Variants in FRMD5 observed in about 807,000 individuals in gnomAD.
The protein encoded by FRMD5 is FERM domain-containing protein 5.
FRMD5 carries 20 observed loss-of-function variants against 69.0 expected under a neutral mutation model. The observed-to-expected ratio is 0.29, with a 90% CI of 0.20 to 0.42. The LOEUF is 0.42. Ranked by LOEUF, FRMD5 falls within the 10% of genes least tolerant of loss-of-function variation. The pLI, the probability that FRMD5 is intolerant of heterozygous loss-of-function variation, is 1.00. For missense variants in FRMD5, 595 were observed against 708.6 expected (o/e 0.84, Z 1.82); for synonymous variants, 271 against 260.1 (o/e 1.04, Z -0.40).
upstream of FRMD5, among the ~76,000 whole-genome samples, chr15:44,197,613 C>T (rs1340281132): frequency 1.5e-5 from 2 of 135,454 alleles, no homozygotes; most frequent in East Asian, 2.3e-4. Flanking sequence ...ACCTGGGAGG[C>T]GAAGGTTGCA....
chr15:43,873,095 A>G lies in FRMD5; in HGVS notation c.*790T>C. 3 of 1,368,630 alleles carry G rather than the reference A, an allele frequency of 2.2e-6. No homozygotes were observed. Among genetic ancestry groups the G allele is most frequent in the Non-Finnish European group, 3.0e-6 (3 of 996,374 alleles). 84.8% of individuals were successfully genotyped at this position (1,368,630 alleles called of 1,614,324 possible). On this transcript the variant is annotated 3_prime_UTR_variant, in exon 14 of 14. Transcript: ENST00000417257. ...TCTTGAGGTTCTTCGGAAAAAAAAA[A>G]TCACGTTAAGTCTAGTTTCATTATA...
At chr15:44,003,474 A>G (rs1566892371) in intron 1 of FRMD5, among the ~76,000 whole-genome samples, 1 of 152,224 alleles carries the variant, frequency 6.6e-6, no homozygotes. Context: ...ACTCAAGAGT[A>G]AAACCCAGAG....
At chr15:44,121,016 A>G (rs2076941914) in intron 1 of FRMD5, among the ~76,000 whole-genome samples, 1 of 152,180 alleles carries the variant, frequency 6.6e-6, no homozygotes, top group Non-Finnish European at 1.5e-5. Flanking sequence ...TTGAGGCCAC[A>G]GGTAAAATCA....
chr15:43,948,079 T>C (rs1429921740), intron 1 of FRMD5, among the ~76,000 whole-genome samples: 1 of 152,186 alleles, frequency 6.6e-6, no homozygotes, highest in East Asian at 1.9e-4. Flanking sequence ...ATGAGGTAGG[T>C]ACCACAATCC....
At chr15:43,874,991 A>G (rs2088290045) in intron 13 of FRMD5, among the ~76,000 whole-genome samples, 1 of 152,120 alleles carries the variant, frequency 6.6e-6, no homozygotes, top group Non-Finnish European at 1.5e-5. Flanking sequence ...TGAGGTAAGG[A>G]GTTCGAGACC....
At chr15:44,107,898 C>A (rs184290489) in intron 1 of FRMD5, among the ~76,000 whole-genome samples, 2 of 152,238 alleles carry the variant, frequency 1.3e-5, no homozygotes, top group Non-Finnish European at 2.9e-5. Flanking sequence ...AGAAATATGA[C>A]AATTAATTCT....
rs182687640 is a variant in FRMD5, at chr15:43,981,314, A to G, written c.103-57005T>C. Among the ~76,000 whole-genome samples the G allele has an allele frequency of 3.8e-3, 529 of 138,320 alleles. 5 individuals are homozygous for G. Among genetic ancestry groups the G allele is most frequent in the African/African-American group, 0.017 (495 of 29,718 alleles). The allele number at this position is 138,320 out of a possible 152,430, so 90.7% of individuals were successfully genotyped here. ...CCTGTATTCTTACAATAAATTAGAG[A>G]AAAAAAAATTATTAAGAAAACCACA... On this transcript the variant is annotated intron_variant, in intron 1 of 13. Transcript: ENST00000417257.
intron 1 of FRMD5, among the ~76,000 whole-genome samples, chr15:43,934,936 G>A (rs189514874): frequency 1.0e-3 from 158 of 152,312 alleles, no homozygotes; most frequent in African/African-American, 3.6e-3. Flanking sequence ...GTATAAGATT[G>A]AGAACTCTTC....
intron 6 of FRMD5, among the ~76,000 whole-genome samples, chr15:43,903,955 T>TA (rs2089108669): frequency 6.6e-6 from 1 of 152,218 alleles, no homozygotes; most frequent in Non-Finnish European, 1.5e-5. Flanking sequence ...TTCTGATTTT[T>TA]ACCACAAGGG....
At position 43,990,026 on chromosome 15, in the gene FRMD5, A is replaced by G. The variant is rs1889594960; in HGVS notation, c.103-65717T>C. The G allele has an allele frequency of 4.8e-6, 4 of 833,004 alleles. No individual in the cohort carries two copies. The Admixed American group carries it at 7.0e-5, about 15-fold the overall frequency. The allele number at this position is 833,004 out of a possible 1,614,324, so 51.6% of individuals were successfully genotyped here. A position where few individuals can be genotyped will look rare whatever the true frequency, so the allele number is the denominator to read the frequency against. On this transcript the variant is annotated intron_variant, in intron 1 of 13. Coordinates refer to ENST00000417257, the MANE Select transcript of FRMD5 (RefSeq NM_032892.5). ...TTGCTCTGGACCTCGTTGCCCACAT[A>G]GGAGTCCTTCTGACCCATGCCCACC...
chr15:44,195,147 ACCTGCACCATCAC>A lies in FRMD5; in HGVS notation c.-106_-94del. 2 of 920,686 alleles carry A rather than the reference ACCTGCACCATCAC, an allele frequency of 2.2e-6. No homozygotes were observed. The highest frequency in any genetic ancestry group is 3.1e-6 in the Non-Finnish European group (2 of 653,308). The allele number at this position is 920,686 out of a possible 1,614,324, so 57.0% of individuals were successfully genotyped here. ...CGGCAGCTCCGCACCGACCCCAGGCACCTGCACCATCACCCCGGCCCCGTCGCTGCCGTTGCCT... is the reference window on the plus strand; with the variant it reads ...CGGCAGCTCCGCACCGACCCCAGGCACCCGGCCCCGTCGCTGCCGTTGCCT... On this transcript the variant is annotated 5_prime_UTR_variant, in exon 1 of 14. It removes an upstream start codon present in the reference 5' UTR. Transcript: ENST00000417257.
chr15:43,955,772 C>G (rs1344469718), intron 1 of FRMD5, among the ~76,000 whole-genome samples: 1 of 151,904 alleles, frequency 6.6e-6, no homozygotes, highest in Non-Finnish European at 1.5e-5. Context: ...TGAACTGTCT[C>G]TATTCTGGTT....
At chr15:44,138,135 C>G (rs1293407287) in intron 1 of FRMD5, among the ~76,000 whole-genome samples, 3 of 152,010 alleles carry the variant, frequency 2.0e-5, no homozygotes, top group Non-Finnish European at 2.9e-5. Flanking sequence ...AGCTTTCAAG[C>G]CAAAATTCCA....
At chr15:44,053,249 G>A (rs1892740146) in intron 1 of FRMD5, among the ~76,000 whole-genome samples, 1 of 152,162 alleles carries the variant, frequency 6.6e-6, no homozygotes, top group African/African-American at 2.4e-5. Context: ...AGATGAACAT[G>A]GAAGGAAAGC....
intron 13 of FRMD5, among the ~76,000 whole-genome samples, chr15:43,875,069 G>A (rs922452360): frequency 6.6e-6 from 1 of 152,032 alleles, no homozygotes; most frequent in Non-Finnish European, 1.5e-5. Context: ...GTGGTGGCGG[G>A]CATCTGTAAT....
intron 1 of FRMD5, among the ~76,000 whole-genome samples, chr15:44,047,910 T>C (rs1271421052): frequency 6.6e-6 from 1 of 152,244 alleles, no homozygotes; most frequent in Non-Finnish European, 1.5e-5. Context: ...TGCAAAATCA[T>C]ATTCTATTAC....
intron 1 of FRMD5, among the ~76,000 whole-genome samples, chr15:44,147,971 T>C (rs1195753136): frequency 6.6e-6 from 1 of 152,206 alleles, no homozygotes; most frequent in Non-Finnish European, 1.5e-5. Context: ...TGCTGATTGC[T>C]GCTTCTGACC....
intron 1 of FRMD5, among the ~76,000 whole-genome samples, chr15:43,962,822 A>G (rs767361886): frequency 6.6e-6 from 1 of 152,260 alleles, no homozygotes; most frequent in Non-Finnish European, 1.5e-5. Flanking sequence ...TCCCTATTTA[A>G]TAGATGGTGG....
chr15:43,903,626 G>A (rs1271140608), intron 6 of FRMD5, among the ~76,000 whole-genome samples: 1 of 152,226 alleles, frequency 6.6e-6, no homozygotes, highest in African/African-American at 2.4e-5. Flanking sequence ...CTGAGGCACA[G>A]GGAAGGTAAG....
Sources: allele counts gnomAD v4.1 joint callset (sites outside exome capture counted in the v4.1 genomes callset), GRCh38; gene constraint gnomAD v4.1.1; transcripts MANE v1.5; gene names NCBI Gene and HGNC (gene_info 2026-07-23, HGNC 2026-07-21).